The following SORCS2 variants were observed in gnomAD, a reference collection of about 807,000 sequenced individuals.
The protein encoded by SORCS2 is VPS10 domain-containing receptor SorCS2.
SORCS2 carries 100 observed loss-of-function variants against 141.6 expected under a neutral mutation model. The observed-to-expected ratio is 0.71, with a 90% CI of 0.60 to 0.83. The LOEUF (loss-of-function observed/expected upper bound fraction) is 0.83. Among genes scored for constraint, SORCS2 ranks in the 40% least tolerant of loss-of-function variants. SORCS2 has a pLI of 0.00. For synonymous variants in SORCS2, 789 were observed against 676.9 expected (o/e 1.17, Z -2.57); for missense variants, 1,646 against 1,560.2 (o/e 1.05, Z -0.93).
rs559578243 is a variant in SORCS2 at position 7,459,773 on chromosome 4, G to A, written c.548+63418G>A. ...TGCTCCCATCACCCTCTGGGATGTC[G>A]CCTGGTTGGGTTCAGGAGCCTTGAG... On this transcript the variant is annotated intron_variant, in intron 2 of 26. Transcript: ENST00000507866. 3.9e-5 allele frequency among the ~76,000 whole-genome samples: 6 copies of A among 152,294 alleles called. No homozygotes were observed. The East Asian group carries it at 5.8e-4, about 15-fold the overall frequency.
intron 1 of SORCS2, among the ~76,000 whole-genome samples, chr4:7,292,674 C>T (rs903180804): frequency 6.6e-6 from 1 of 152,160 alleles, no homozygotes; most frequent in African/African-American, 2.4e-5. Flanking sequence ...GGTTTGGTGA[C>T]ATCTGTCTGC....
At chr4:7,408,932 G>T (rs1577513904) in intron 2 of SORCS2, among the ~76,000 whole-genome samples, 2 of 152,198 alleles carry the variant, frequency 1.3e-5, no homozygotes, top group African/African-American at 4.8e-5. Flanking sequence ...GTTTTTCTCA[G>T]TTCCAAGATT....
At chr4:7,720,121 T>A (rs1208255888) in intron 18 of SORCS2, among the ~76,000 whole-genome samples, 1 of 152,070 alleles carries the variant, frequency 6.6e-6, no homozygotes, top group Non-Finnish European at 1.5e-5. Context: ...TTGTACACAC[T>A]CACACACTGT....
chr4:7,657,223 T>C (rs1413060771), intron 5 of SORCS2, among the ~76,000 whole-genome samples: 1 of 152,112 alleles, frequency 6.6e-6, no homozygotes, highest in Non-Finnish European at 1.5e-5. Context: ...GGAACAAACG[T>C]GGTAAATAAA....
intron 5 of SORCS2, among the ~76,000 whole-genome samples, chr4:7,659,085 C>T (rs1721984895): frequency 6.6e-6 from 1 of 152,134 alleles, no homozygotes; most frequent in African/African-American, 2.4e-5. Context: ...ACATGACCAG[C>T]CACCAAATCC....
At chr4:7,367,771 T>C (rs1283571025) in intron 1 of SORCS2, among the ~76,000 whole-genome samples, 1 of 152,222 alleles carries the variant, frequency 6.6e-6, no homozygotes, top group East Asian at 1.9e-4. Flanking sequence ...TTAAATAAAC[T>C]CGGGGAAGTG....
intron 3 of SORCS2, among the ~76,000 whole-genome samples, chr4:7,614,816 C>T (rs962298899): frequency 2.0e-5 from 3 of 151,858 alleles, no homozygotes; most frequent in African/African-American, 4.8e-5. Context: ...ATCCACCAAC[C>T]ACCATCCATT....
chr4:7,271,260 C>T (rs894120763), intron 1 of SORCS2, among the ~76,000 whole-genome samples: 2 of 152,212 alleles, frequency 1.3e-5, no homozygotes, highest in Admixed American at 6.5e-5. Flanking sequence ...CACCACTCCC[C>T]ACTGCTCTCA....
chr4:7,382,385 G>A (rs1001234303), intron 1 of SORCS2, among the ~76,000 whole-genome samples: 19 of 152,020 alleles, frequency 1.2e-4, no homozygotes, highest in African/African-American at 4.1e-4. Flanking sequence ...TGACATCTCC[G>A]GCTGCCCCAG....
At chr4:7,639,253 A>T (rs1720475222) in intron 4 of SORCS2, among the ~76,000 whole-genome samples, 1 of 152,224 alleles carries the variant, frequency 6.6e-6, no homozygotes. Flanking sequence ...CGAAGATCAA[A>T]GTGTCAGTGG....
At chr4:7,593,992 T>C (rs1717090978) in intron 3 of SORCS2, among the ~76,000 whole-genome samples, 1 of 152,160 alleles carries the variant, frequency 6.6e-6, no homozygotes, top group Admixed American at 6.5e-5. Context: ...TGGGAGGCCA[T>C]TTTTAGTTAG....
intron 16 of SORCS2, among the ~76,000 whole-genome samples, chr4:7,714,920 G>A (rs904736629): frequency 6.6e-6 from 1 of 152,104 alleles, no homozygotes; most frequent in Non-Finnish European, 1.5e-5. Context: ...ACCTGTCTCT[G>A]TCCATCCTTT....
At chr4:7,439,152 G>C (rs1319034528) in intron 2 of SORCS2, among the ~76,000 whole-genome samples, 1 of 151,794 alleles carries the variant, frequency 6.6e-6, no homozygotes, top group African/African-American at 2.4e-5. Context: ...CCTGACATGG[G>C]GTGAAAGAGG....
intron 3 of SORCS2, among the ~76,000 whole-genome samples, chr4:7,537,333 G>A (rs985280620): frequency 6.6e-6 from 1 of 152,214 alleles, no homozygotes; most frequent in African/African-American, 2.4e-5. Context: ...AAGAGTAGCA[G>A]CCATGAAAGA....
At chr4:7,243,305 TCTC>T (rs1455470022) in intron 1 of SORCS2, among the ~76,000 whole-genome samples, 1 of 152,104 alleles carries the variant, frequency 6.6e-6, no homozygotes, top group Non-Finnish European at 1.5e-5. Flanking sequence ...TCTTGGCCAT[TCTC>T]CTCCCTGCTA....
At chr4:7,617,870 G>A (rs548120827) in intron 3 of SORCS2, among the ~76,000 whole-genome samples, 8 of 152,124 alleles carry the variant, frequency 5.3e-5, no homozygotes, top group Non-Finnish European at 4.4e-5. Context: ...GCCGCCTACC[G>A]GTGCCGCCCC....
rs368741918 is a variant in SORCS2, at chr4:7,597,531, G to A, written c.649-40797G>A. Reference sequence around the variant, plus strand: ...ATGCAATGAGAGGTTACACAATGGCGGGGGGCTATTGCAATAGGGAAGGAG... The same window carrying A: ...ATGCAATGAGAGGTTACACAATGGCAGGGGGCTATTGCAATAGGGAAGGAG... On this transcript the variant is annotated intron_variant, in intron 3 of 26. Transcript: ENST00000507866. 3.3e-3 allele frequency among the ~76,000 whole-genome samples: 492 copies of A among 147,364 alleles called. 5 individuals are homozygous for A. The highest frequency in any genetic ancestry group is 0.011 in the African/African-American group (422 of 39,716).
At chr4:7,252,491 T>G (rs1267887414) in intron 1 of SORCS2, among the ~76,000 whole-genome samples, 5 of 152,250 alleles carry the variant, frequency 3.3e-5, no homozygotes, top group Non-Finnish European at 7.3e-5. Context: ...TGGTTGAACT[T>G]TTTCATTGAA....
rs547451439 is a variant in SORCS2 at position 7,420,147 on chromosome 4, G to C, written c.548+23792G>C. 8.5e-5 allele frequency among the ~76,000 whole-genome samples: 13 copies of C among 152,368 alleles called. No individual in the cohort carries two copies. In the South Asian group the frequency reaches 2.7e-3, roughly 32 times the overall value. ...GCTGCTCCCATCTGCAAGGGAGGTT[G>C]GGAAATGTAGTCCACAATGTGCCTG... On this transcript the variant is annotated intron_variant, in intron 2 of 26. Transcript: ENST00000507866.
Sources: allele counts gnomAD v4.1 joint callset (sites outside exome capture counted in the v4.1 genomes callset), GRCh38; gene constraint gnomAD v4.1.1; transcripts MANE v1.5; gene names NCBI Gene and HGNC (gene_info 2026-07-23, HGNC 2026-07-21).